Variants in CTSE observed in about 807,000 individuals in gnomAD.
The protein encoded by CTSE is cathepsin E, also known as erythrocyte membrane aspartic proteinase.
In CTSE, 43 loss-of-function variants were observed where a neutral mutation model predicts 42.8. The ratio of observed to expected loss-of-function variants is 1.01; its 90% CI spans 0.79 to 1.30. The LOEUF (loss-of-function observed/expected upper bound fraction) is 1.30. Ranked by LOEUF, CTSE falls within the 50% of genes most tolerant of loss-of-function variation. The pLI, the probability that CTSE is intolerant of heterozygous loss-of-function variation, is 0.00. For synonymous variants in CTSE, 205 were observed against 191.5 expected (o/e 1.07, Z -0.58); for missense variants, 532 against 493.5 (o/e 1.08, Z -0.74).
chr1:206,015,998 G>A lies in CTSE; in HGVS notation c.595C>T (p.Pro199Ser), dbSNP rs1553277657. ...YPSLAVGGVTPVFDNMMAQNL... is the reference protein window; with the variant it reads ...YPSLAVGGVTSVFDNMMAQNL... ...TGAGCCATCATGTTGTCAAATACTGGAGTCACTCCTCCCACAGCCAAGGAG... is the reference window on the plus strand; with the variant it reads ...TGAGCCATCATGTTGTCAAATACTGAAGTCACTCCTCCCACAGCCAAGGAG... Residue 199 changes from proline to serine, a missense_variant, in exon 5 of 9, where the codon CCA (proline) becomes TCA (serine). Physicochemically the swap from Pro to Ser is moderately conservative, Grantham distance 74 (BLOSUM62 -1). Transcript: ENST00000358184. 1.2e-6 allele frequency: 2 copies of A among 1,613,738 alleles called. No homozygotes were observed. Among genetic ancestry groups the A allele is most frequent in the African/African-American group, 2.7e-5 (2 of 74,886 alleles).
chr1:206,011,933 C>T (rs1169022412), intron 8 of CTSE, among the ~76,000 whole-genome samples: 2 of 152,096 alleles, frequency 1.3e-5, no homozygotes, highest in Non-Finnish European at 2.9e-5. Flanking sequence ...ATATCTTGAA[C>T]CATTTATTTG....
intron 8 of CTSE, 86 bp downstream of exon 8, chr1:206,012,222 G>C (rs150935250): frequency 1.8e-5 from 20 of 1,114,666 alleles, no homozygotes; most frequent in Non-Finnish European, 2.6e-5. Flanking sequence ...GGGTAAAGGC[G>C]GGCAAAGTGC....
chr1:206,017,820 C>A (rs1320831528), intron 4 of CTSE, among the ~76,000 whole-genome samples: 2 of 152,090 alleles, frequency 1.3e-5, no homozygotes, highest in African/African-American at 4.8e-5. Flanking sequence ...AGCAACTTCG[C>A]TAAGTTCACA....
rs183554234 is a variant in CTSE at position 206,020,188 on chromosome 1, A to T, written c.462+861T>A. 2.0e-5 allele frequency among the ~76,000 whole-genome samples: 3 copies of T among 148,560 alleles called. No homozygotes were observed. In the Admixed American group the frequency reaches 2.0e-4, roughly 10 times the overall value. ...TTCATATATGGATATTATATATTAT[A>T]TATTATATATGTAATGTGTGTATAC... On this transcript the variant is annotated intron_variant, in intron 4 of 8. Transcript: ENST00000358184.
Position 206,010,169 on chromosome 1 carries a change from C to G in CTSE, c.*14G>C. 1 of 1,613,626 alleles carries G rather than the reference C, an allele frequency of 6.2e-7. No homozygotes were observed. Among genetic ancestry groups the G allele is most frequent in the Non-Finnish European group, 8.5e-7 (1 of 1,179,742 alleles). On this transcript the variant is annotated 3_prime_UTR_variant, in exon 9 of 9. Transcript: ENST00000358184. ...GGTCTGTCAGACAGGCAGGCACAGA[C>G]ACAAGGCCCCTCCTTAGGGGACTGC...
chr1:206,020,401 C>T (rs1053028145), intron 4 of CTSE, among the ~76,000 whole-genome samples: 1 of 151,994 alleles, frequency 6.6e-6, no homozygotes, highest in Non-Finnish European at 1.5e-5. Context: ...GACCAACGTT[C>T]ACCAGGAGTA....
In CTSE at chr1:206,016,233, C is replaced by G; in HGVS notation, c.463-103G>C. The G allele has an allele frequency of 4.8e-6, 5 of 1,047,518 alleles. 1 individual carries two copies. The South Asian group carries it at 7.0e-5, about 15-fold the overall frequency. 64.9% of individuals were successfully genotyped at this position (1,047,518 alleles called of 1,614,324 possible). On this transcript the variant is annotated intron_variant, in intron 4 of 8. Coordinates refer to ENST00000358184, the MANE Select transcript of CTSE (RefSeq NM_001910.4). ...CCTCTGTCTTGAAGCTAATGCCTCT[C>G]CTTCCCAACTTTCCTTGACTAAATG...
chr1:206,010,081 G>T lies in CTSE; in HGVS notation c.*102C>A. 6.9e-7 allele frequency: 1 copy of T among 1,455,966 alleles called. No individual in the cohort carries two copies. The highest frequency in any genetic ancestry group is 9.6e-7 in the Non-Finnish European group (1 of 1,043,132). 90.2% of individuals were successfully genotyped at this position (1,455,966 alleles called of 1,614,324 possible). A position where few individuals can be genotyped will look rare whatever the true frequency, so the allele number is the denominator to read the frequency against. ...AATTCAAGTTGCAACCCTGGAAACA[G>T]CTACATTCTCTGGAAAATAACTTTT... On this transcript the variant is annotated 3_prime_UTR_variant, in exon 9 of 9. Coordinates refer to ENST00000358184, the MANE Select transcript of CTSE (RefSeq NM_001910.4).
chr1:206,023,137 G>A (rs977295792), intron 1 of CTSE, 80 bp from the exon 2 acceptor site: 30 of 503,124 alleles, frequency 6.0e-5, no homozygotes, highest in Non-Finnish European at 1.0e-4. Context: ...TTTCTCAGGG[G>A]CCAACTAGAG....
intron 5 of CTSE, among the ~76,000 whole-genome samples, chr1:206,014,562 T>TG (rs1553277533): frequency 6.6e-6 from 1 of 151,174 alleles, no homozygotes; most frequent in African/African-American, 2.4e-5. Context: ...ACAGAGGGAG[T>TG]GGGGAAAGGA....
chr1:206,023,202 T>TC, intron 1 of CTSE, 145 bp from the exon 2 acceptor site: 2 of 828,984 alleles, frequency 2.4e-6, no homozygotes, highest in Non-Finnish European at 3.8e-6. Flanking sequence ...ACAGGTGGGA[T>TC]CAGCGTCCTC....
intron 6 of CTSE, among the ~76,000 whole-genome samples, 199 bp downstream of exon 6, chr1:206,013,573 C>A (rs1323376797): frequency 2.0e-5 from 3 of 151,996 alleles, no homozygotes; most frequent in African/African-American, 7.2e-5. Context: ...GCCATGTGTA[C>A]AAGGAAGGAA....
intron 8 of CTSE, 98 bp downstream of exon 8, chr1:206,012,210 T>TAGGGTAAAGGCGGGCAAAGTGCAGGCG (rs1558149986): frequency 1.1e-6 from 1 of 947,812 alleles, no homozygotes; most frequent in East Asian, 2.6e-5. Flanking sequence ...GGGCGGGGCT[T>TAGGGTAAAGGCGGGCAAAGTGCAGGCG]AGGGTAAAGG....
chr1:206,012,221 C>T lies in CTSE; in HGVS notation c.1026+87G>A, dbSNP rs113911920. Reference sequence around the variant, plus strand: ...CGTGGGGCGGGGCTTAGGGTAAAGGCGGGCAAAGTGCAGGCGATTGAAAAG... The same window carrying T: ...CGTGGGGCGGGGCTTAGGGTAAAGGTGGGCAAAGTGCAGGCGATTGAAAAG... On this transcript the variant is annotated intron_variant, in intron 8 of 8. Coordinates refer to ENST00000358184, the MANE Select transcript of CTSE (RefSeq NM_001910.4). 100 of 1,098,178 alleles carry T rather than the reference C, an allele frequency of 9.1e-5. 1 individual carries two copies. Among genetic ancestry groups the T allele is most frequent in the African/African-American group, 3.9e-4 (25 of 64,590 alleles). 68.0% of individuals were successfully genotyped at this position (1,098,178 alleles called of 1,614,324 possible). A position where few individuals can be genotyped will look rare whatever the true frequency, so the allele number is the denominator to read the frequency against.
Position 206,015,299 on chromosome 1 carries a change from C to G in CTSE, c.662+632G>C, listed in dbSNP as rs1158993028. 2.0e-5 allele frequency among the ~76,000 whole-genome samples: 3 copies of G among 152,014 alleles called. No individual in the cohort carries two copies. The East Asian group carries it at 5.8e-4, about 29-fold the overall frequency. ...CAACGGTTTAAGAATTCCTCACTTC[C>G]CCTCCCCAGGCTCTGGCAACTGGCA... On this transcript the variant is annotated intron_variant, in intron 5 of 8. Coordinates refer to ENST00000358184, the MANE Select transcript of CTSE (RefSeq NM_001910.4).
intron 1 of CTSE, 95 bp from the exon 2 acceptor site, chr1:206,023,152 T>TTG: frequency 2.7e-6 from 1 of 369,268 alleles, no homozygotes; most frequent in Non-Finnish European, 5.4e-6. Context: ...CTAGAGAAGA[T>TTG]GGGGTGGGAG....
chr1:206,018,175 A>G lies in CTSE; in HGVS notation c.463-2045T>C, dbSNP rs1369040832. 2.0e-5 allele frequency among the ~76,000 whole-genome samples: 3 copies of G among 152,050 alleles called. No individual in the cohort carries two copies. In the East Asian group the frequency reaches 5.8e-4, roughly 29 times the overall value. On this transcript the variant is annotated intron_variant, in intron 4 of 8. Coordinates refer to ENST00000358184, the MANE Select transcript of CTSE (RefSeq NM_001910.4). ...TTTGCTAAGAGTTTTTCTTGAAGTCATGAATAGATATTGAATGTTATTAAC... is the reference window on the plus strand; with the variant it reads ...TTTGCTAAGAGTTTTTCTTGAAGTCGTGAATAGATATTGAATGTTATTAAC...
At position 206,013,754 on chromosome 1, in the gene CTSE, T is replaced by C. The variant is rs1661183612; in HGVS notation, c.785+18A>G. 2.5e-6 allele frequency: 4 copies of C among 1,612,830 alleles called. No individual in the cohort carries two copies. Among genetic ancestry groups the C allele is most frequent in the Non-Finnish European group, 2.5e-6 (3 of 1,179,240 alleles). ...AGTTTACCCCTAGTACTGTCACTAC[T>C]TCATGGGGAATACTCACTTATCCAG... is the stretch of plus-strand genomic sequence containing the variant. On this transcript the variant is annotated intron_variant, in intron 6 of 8. Transcript: ENST00000358184.
rs140920478 is a variant in CTSE, at chr1:206,012,381, T to C, written c.953A>G (p.Asn318Ser). Reference protein sequence around the residue: ...GEYAVECANLNVMPDVTFTIN... With the variant: ...GEYAVECANLSVMPDVTFTIN... ...GGTGAAGGTGACATCCGGCATGACG[T>C]TAAGGTTGGCACACTCCACAGCATA... Residue 318 changes from asparagine (N) to serine (S), a missense_variant, in exon 8 of 9, where the codon AAC becomes AGC. Physicochemically the swap from Asn to Ser is conservative, Grantham distance 46. Coordinates refer to ENST00000358184, the MANE Select transcript of CTSE (RefSeq NM_001910.4). The C allele has an allele frequency of 8.4e-5, 135 of 1,613,894 alleles. No individual in the cohort carries two copies. In the African/African-American group the frequency reaches 1.8e-3, roughly 21 times the overall value.
Sources: gnomAD v4.1 joint callset for allele counts (sites outside exome capture counted in the v4.1 genomes callset) on GRCh38, gnomAD v4.1.1 for gene constraint, MANE v1.5 for transcripts, NCBI Gene and HGNC (gene_info 2026-07-23, HGNC 2026-07-21) for gene names.